CELF4: variants seen among roughly 807,000 people sequenced by gnomAD.
The protein encoded by CELF4 is CUG-BP- and ETR-3-like factor 4.
In CELF4, 18 loss-of-function variants were observed where a neutral mutation model predicts 59.9. That is an observed-to-expected ratio of 0.30 (90% CI 0.21 to 0.45). CELF4 has a LOEUF of 0.45. CELF4 is among the 20% of genes least tolerant of loss of function. The probability of loss-of-function intolerance (pLI) is 1.00; values close to 1 mark genes in which losing one functional copy is unlikely to be tolerated. For synonymous variants in CELF4, 261 were observed against 267.1 expected (o/e 0.98, Z 0.22); for missense variants, 456 against 689.0 (o/e 0.66, Z 3.79).
intron 1 of CELF4, among the ~76,000 whole-genome samples, chr18:37,553,909 C>A (rs1347445932): frequency 2.0e-5 from 3 of 152,154 alleles, no homozygotes; most frequent in Non-Finnish European, 4.4e-5. Flanking sequence ...CTTCGTCTCA[C>A]CGTCAGAGGG....
intron 2 of CELF4, among the ~76,000 whole-genome samples, chr18:37,422,441 C>T (rs1476877685): frequency 6.6e-6 from 1 of 152,222 alleles, no homozygotes; most frequent in African/African-American, 2.4e-5. Flanking sequence ...GCTTTGACCC[C>T]AAGCCCCTGC....
In CELF4 at chr18:37,319,920, C is replaced by T. The variant is rs1267204948; in HGVS notation, c.448+1883G>A. 3.9e-5 allele frequency among the ~76,000 whole-genome samples: 6 copies of T among 152,162 alleles called. No individual in the cohort carries two copies. In the East Asian group the frequency reaches 7.7e-4, roughly 20 times the overall value. Reference sequence around the variant, plus strand: ...CTGGCTGGGAGGTGGAGGGCAGCTGCGACTGGCTGTCCCATCTTACTACCT... The same window carrying T: ...CTGGCTGGGAGGTGGAGGGCAGCTGTGACTGGCTGTCCCATCTTACTACCT... On this transcript the variant is annotated intron_variant, in intron 3 of 12. Coordinates refer to ENST00000420428, the MANE Select transcript of CELF4 (RefSeq NM_020180.4).
chr18:37,298,479 G>A (rs2095804194), intron 3 of CELF4, among the ~76,000 whole-genome samples: 1 of 152,092 alleles, frequency 6.6e-6, no homozygotes, highest in Non-Finnish European at 1.5e-5. Flanking sequence ...CAGCACTTTG[G>A]GAGGCCGAGG....
At chr18:37,361,844 C>T (rs1445597506) in intron 2 of CELF4, among the ~76,000 whole-genome samples, 1 of 144,086 alleles carries the variant, frequency 6.9e-6, no homozygotes, top group African/African-American at 2.6e-5. Flanking sequence ...GCAGCCCCTG[C>T]TGGGGAGGCA....
chr18:37,431,209 C>G (rs541382327), intron 2 of CELF4, among the ~76,000 whole-genome samples: 20 of 152,286 alleles, frequency 1.3e-4, no homozygotes, highest in Admixed American at 1.1e-3. Flanking sequence ...CTAATTAAAA[C>G]TGACCAACTG....
intron 1 of CELF4, among the ~76,000 whole-genome samples, chr18:37,558,275 C>T (rs985657283): frequency 2.6e-5 from 4 of 151,970 alleles, no homozygotes; most frequent in African/African-American, 9.6e-5. Context: ...GGGCTTTATA[C>T]CCACCTAGGG....
At position 37,245,710 on chromosome 18, in the gene CELF4, A is replaced by G. The variant is rs1400875720; in HGVS notation, c.*45-513T>C. The stretch of plus-strand genomic sequence containing the variant: ...ATCCTTGCCCAGCTTCCAGCCAACC[A>G]CTTCTTTCCCGGGGTCAGTAACTAT... On this transcript the variant is annotated intron_variant, in intron 12 of 12. Coordinates refer to ENST00000420428, the MANE Select transcript of CELF4 (RefSeq NM_020180.4). This position sits in a 1 kb window ranked among gnomAD's most constrained non-coding sequence, Gnocchi z 4.1. 1.3e-5 allele frequency among the ~76,000 whole-genome samples: 2 copies of G among 152,010 alleles called. No individual in the cohort carries two copies. The highest frequency in any genetic ancestry group is 4.8e-5 in the African/African-American group (2 of 41,382).
At chr18:37,300,504 T>A (rs1569548079) in intron 3 of CELF4, among the ~76,000 whole-genome samples, 2 of 152,216 alleles carry the variant, frequency 1.3e-5, no homozygotes, top group Non-Finnish European at 2.9e-5. Flanking sequence ...GGATTACAGG[T>A]GTGAGCCACT....
intron 1 of CELF4, among the ~76,000 whole-genome samples, chr18:37,514,303 A>G (rs1358552390): frequency 3.3e-5 from 5 of 152,092 alleles, no homozygotes; most frequent in Non-Finnish European, 2.9e-5. Context: ...GGACGAGGGC[A>G]TTACAATGGG....
intron 2 of CELF4, among the ~76,000 whole-genome samples, chr18:37,341,664 A>G (rs11877291): frequency 0.68 from 103,719 of 152,066 alleles, 35,666 homozygotes; most frequent in East Asian, 0.83. Context: ...AGCAGAACCT[A>G]TGGGCTGCTG....
chr18:37,365,479 C>T (rs2098765327), intron 2 of CELF4, among the ~76,000 whole-genome samples: 1 of 80,168 alleles, frequency 1.2e-5, no homozygotes, highest in Non-Finnish European at 2.4e-5. Context: ...GCGGATGGGG[C>T]AATTTTTTTT....
rs138048332 is a variant in CELF4 at position 37,255,462 on chromosome 18, A to G, written c.1334-1524T>C. Among the ~76,000 whole-genome samples, 7 of 151,604 alleles carry G rather than the reference A, an allele frequency of 4.6e-5. No homozygotes were observed. In the East Asian group the frequency reaches 1.2e-3, roughly 25 times the overall value. ...AACAATTGGTCAGAGCTGGGCCCAGAGCAACAAAACTAACCTCTGTATAAA... is the reference window on the plus strand; with the variant it reads ...AACAATTGGTCAGAGCTGGGCCCAGGGCAACAAAACTAACCTCTGTATAAA... On this transcript the variant is annotated intron_variant, in intron 11 of 12. Transcript: ENST00000420428.
chr18:37,546,094 T>C (rs1220928682), intron 1 of CELF4, among the ~76,000 whole-genome samples: 2 of 152,144 alleles, frequency 1.3e-5, no homozygotes, highest in Non-Finnish European at 2.9e-5. Flanking sequence ...TGCAGAGAAC[T>C]GCAGGCGTGC....
intron 1 of CELF4, among the ~76,000 whole-genome samples, chr18:37,523,739 C>A (rs2099960280): frequency 6.6e-6 from 1 of 152,242 alleles, no homozygotes; most frequent in South Asian, 2.1e-4. Flanking sequence ...CTCACAAATT[C>A]TCATGCCACC....
At chr18:37,426,998 G>C (rs1235717548) in intron 2 of CELF4, among the ~76,000 whole-genome samples, 1 of 144,190 alleles carries the variant, frequency 6.9e-6, no homozygotes, top group Non-Finnish European at 1.5e-5. Flanking sequence ...CAAGGGGGCT[G>C]AGGCTCAGAC....
intron 2 of CELF4, among the ~76,000 whole-genome samples, chr18:37,329,034 A>C (rs894520724): frequency 6.6e-5 from 10 of 152,212 alleles, no homozygotes; most frequent in African/African-American, 2.4e-4. Context: ...GAAAACTATA[A>C]ATTTTAAATT....
intron 3 of CELF4, among the ~76,000 whole-genome samples, chr18:37,312,644 T>G (rs2096717862): frequency 6.6e-6 from 1 of 152,154 alleles, no homozygotes; most frequent in Non-Finnish European, 1.5e-5. Context: ...GAGAGGAGAC[T>G]GAAAGAGGCT....
At chr18:37,421,848 A>G (rs2099580296) in intron 2 of CELF4, among the ~76,000 whole-genome samples, 1 of 152,258 alleles carries the variant, frequency 6.6e-6, no homozygotes. Context: ...AGCCTTCCTC[A>G]GTCAGCATGG....
chr18:37,308,519 C>T (rs576410562), intron 3 of CELF4, among the ~76,000 whole-genome samples: 11 of 152,274 alleles, frequency 7.2e-5, no homozygotes, highest in South Asian at 4.1e-4. Context: ...AGCATGCTGC[C>T]GGCTGATCTC....
Sources: allele counts gnomAD v4.1 joint callset (sites outside exome capture counted in the v4.1 genomes callset), GRCh38; gene constraint gnomAD v4.1.1; non-coding constraint Gnocchi (gnomAD v3.1); transcripts MANE v1.5; gene names NCBI Gene and HGNC (gene_info 2026-07-23, HGNC 2026-07-21).